CPAMD8: variants seen among roughly 807,000 people sequenced by gnomAD.
CPAMD8 encodes the protein C3 and PZP like alpha-2-macroglobulin domain containing 8.
CPAMD8 carries 146 observed loss-of-function variants against 224.7 expected under a neutral mutation model. The observed-to-expected ratio is 0.65, with a 90% CI of 0.57 to 0.75. CPAMD8 has a LOEUF of 0.75. Among genes scored for constraint, CPAMD8 ranks in the 30% least tolerant of loss-of-function variants. The pLI is 0.00. For missense variants in CPAMD8, 2,301 were observed against 2,537.5 expected, an observed-to-expected ratio of 0.91 and a Z score of 2.00; for synonymous variants, 966 against 1,044.6, an observed-to-expected ratio of 0.92 and a Z score of 1.45.
intron 27 of CPAMD8, among the ~76,000 whole-genome samples, chr19:16,920,399 G>A (rs2053125476): frequency 1.3e-5 from 2 of 152,178 alleles, no homozygotes; most frequent in African/African-American, 4.8e-5. Context: ...AGAATGGCGT[G>A]AACCCAGGGG....
chr19:16,954,751 G>A lies in CPAMD8; in HGVS notation c.2277-2551C>T, dbSNP rs868832772. 6.6e-5 allele frequency among the ~76,000 whole-genome samples: 10 copies of A among 152,308 alleles called. 1 individual carries two copies. The South Asian group carries it at 1.0e-3, about 16-fold the overall frequency. On this transcript the variant is annotated intron_variant, in intron 19 of 41. Coordinates refer to ENST00000443236, the MANE Select transcript of CPAMD8 (RefSeq NM_015692.5). ...TGTAATCCCAGCACTTTGGGAGGCC[G>A]AGGGGGGTGGATCACGAGGTCAGGA...
At chr19:17,006,997 G>A (rs773004658) in intron 7 of CPAMD8, among the ~76,000 whole-genome samples, 9 of 152,190 alleles carry the variant, frequency 5.9e-5, no homozygotes, top group Non-Finnish European at 8.8e-5. Context: ...TCAAGGGAAC[G>A]AGAGGGAGTA....
intron 16 of CPAMD8, 90 bp from the exon 17 acceptor site, chr19:16,975,348 A>T: frequency 9.8e-7 from 1 of 1,016,348 alleles, no homozygotes; most frequent in Non-Finnish European, 1.5e-6. Context: ...TCCCATCCCA[A>T]CCTCTTTATC....
chr19:16,945,038 C>T (rs562293176), intron 22 of CPAMD8, among the ~76,000 whole-genome samples: 2 of 152,164 alleles, frequency 1.3e-5, no homozygotes, highest in South Asian at 4.1e-4. Context: ...TGAAGGTGAG[C>T]CCCTCGTCTT....
intron 27 of CPAMD8, among the ~76,000 whole-genome samples, chr19:16,920,904 A>G (rs1219949169): frequency 6.6e-6 from 1 of 150,790 alleles, no homozygotes; most frequent in Non-Finnish European, 1.5e-5. Context: ...CAACTTGCTA[A>G]TCCTGGCTGG....
chr19:16,942,004 G>A (rs531645740), intron 22 of CPAMD8, among the ~76,000 whole-genome samples: 2 of 151,458 alleles, frequency 1.3e-5, no homozygotes, highest in Admixed American at 1.3e-4. Context: ...CAACAAAACT[G>A]TGAAGCACCT....
At chr19:16,972,209 G>T (rs781175139) in intron 17 of CPAMD8, among the ~76,000 whole-genome samples, 1 of 151,874 alleles carries the variant, frequency 6.6e-6, no homozygotes, top group Non-Finnish European at 1.5e-5. Context: ...TGTGGTTCAG[G>T]CTGGGGTGCA....
At chr19:16,975,461 A>T (rs1356562006) in intron 16 of CPAMD8, among the ~76,000 whole-genome samples, 1 of 152,136 alleles carries the variant, frequency 6.6e-6, no homozygotes, top group Non-Finnish European at 1.5e-5. Context: ...AATCCCAGTT[A>T]CTGGGGAGGC....
chr19:16,939,922 G>GT (rs914602954), intron 22 of CPAMD8, among the ~76,000 whole-genome samples: 103 of 149,170 alleles, frequency 6.9e-4, no homozygotes, highest in Middle Eastern at 3.4e-3. Context: ...TTTTGTTTTT[G>GT]TTTTTTTTTA....
intron 41 of CPAMD8, chr19:16,894,596 C>A (rs778955324): frequency 1.7e-5 from 7 of 412,136 alleles, no homozygotes; most frequent in Non-Finnish European, 3.5e-5. Flanking sequence ...ATGGCCCAGG[C>A]CTGGCACTGT....
intron 41 of CPAMD8, chr19:16,894,139 G>A (rs762556347): frequency 8.0e-4 from 183 of 228,530 alleles, no homozygotes; most frequent in Non-Finnish European, 1.4e-3. Flanking sequence ...TGGGGGGTTG[G>A]GGTGCTTGGA....
chr19:16,926,000 A>T (rs1599714508), intron 25 of CPAMD8, among the ~76,000 whole-genome samples: 1 of 152,180 alleles, frequency 6.6e-6, no homozygotes, highest in East Asian at 1.9e-4. Flanking sequence ...ACCTCAGGTG[A>T]TCCACCTGCC....
intron 13 of CPAMD8, among the ~76,000 whole-genome samples, chr19:16,981,447 C>T (rs1321809463): frequency 2.0e-5 from 3 of 152,212 alleles, no homozygotes; most frequent in African/African-American, 4.8e-5. Context: ...AGGATATGAA[C>T]TCAATGAGTT....
rs1430885115 is a variant in CPAMD8 at position 16,997,173 on chromosome 19, C to A, written c.1033G>T (p.Asp345Tyr). 1.3e-6 allele frequency: 2 copies of A among 1,598,522 alleles called. No individual in the cohort carries two copies. The highest frequency in any genetic ancestry group is 2.7e-5 in the African/African-American group (2 of 74,554). ...CTCGTGTCCTTGGAGTACCGGATGT[C>A]CACCAGCTGCCTCTGCACGGGGGTG... ...DSTPVQRQLV[D>Y]IRYSKDTRKQ... is the part of the protein sequence containing the mutation. The change falls in exon 11 of 42, where the codon GAC becomes TAC. Residue 345 changes from aspartate to tyrosine, a missense_variant. Coordinates refer to ENST00000443236, the MANE Select transcript of CPAMD8 (RefSeq NM_015692.5).
chr19:17,002,831 CA>C lies in CPAMD8; in HGVS notation c.674-482del, dbSNP rs577705228. Among the ~76,000 whole-genome samples the C allele has an allele frequency of 5.3e-4, 80 of 152,222 alleles. No individual in the cohort carries two copies. The Middle Eastern group carries it at 0.017, about 32-fold the overall frequency. On this transcript the variant is annotated intron_variant, in intron 8 of 41. Coordinates refer to ENST00000443236, the MANE Select transcript of CPAMD8 (RefSeq NM_015692.5). ...TGACACCCTGGAGCAGCCGGTAAAC[CA>C]GAAAGAATCGGGTCCTGAGAGAACT...
At chr19:16,901,082 A>T (rs2052237042) in intron 36 of CPAMD8, 128 bp downstream of exon 36, 2 of 600,864 alleles carry the variant, frequency 3.3e-6, no homozygotes, top group Admixed American at 3.3e-5. Context: ...GGAGAGGGAG[A>T]GGGAAGAAAA....
chr19:16,921,458 T>A (rs10426219), intron 27 of CPAMD8, among the ~76,000 whole-genome samples: 77,227 of 151,806 alleles, frequency 0.51, 21,017 homozygotes, highest in Non-Finnish European at 0.61. Context: ...TGCCCTGGTC[T>A]CCTCCCTGCA....
At chr19:17,014,194 G>A (rs1385745333) in intron 3 of CPAMD8, among the ~76,000 whole-genome samples, 1 of 152,112 alleles carries the variant, frequency 6.6e-6, no homozygotes, top group East Asian at 1.9e-4. Context: ...CAGGACTGCA[G>A]GCATGCACCA....
chr19:16,975,018 T>C, intron 17 of CPAMD8, 79 bp downstream of exon 17: 1 of 1,506,928 alleles, frequency 6.6e-7, no homozygotes, highest in Non-Finnish European at 8.9e-7. Context: ...CCAACCCATT[T>C]CTGAATCTCC....
Sources: gnomAD v4.1 joint callset for allele counts (sites outside exome capture counted in the v4.1 genomes callset) on GRCh38, gnomAD v4.1.1 for gene constraint, MANE v1.5 for transcripts, NCBI Gene and HGNC (gene_info 2026-07-23, HGNC 2026-07-21) for gene names.